TF: variants seen among roughly 807,000 people sequenced by gnomAD.
TF encodes transferrin.
In TF, 55 loss-of-function variants were observed where a neutral mutation model predicts 82.4. The observed-to-expected ratio is 0.67, with a 90% CI of 0.54 to 0.84. The LOEUF is 0.84. Ranked by LOEUF, TF falls within the 40% of genes least tolerant of loss-of-function variation. The probability of loss-of-function intolerance (pLI) is 0.00; values close to 1 mark genes in which losing one functional copy is unlikely to be tolerated. For synonymous variants in TF, 332 were observed against 332.6 expected, an observed-to-expected ratio of 1.00 and a Z score of 0.02; for missense variants, 737 against 868.4, an observed-to-expected ratio of 0.85 and a Z score of 1.90.
At chr3:133,726,623 A>C in the TF span, among the ~76,000 whole-genome samples, 20 of 150,726 alleles carry the variant, frequency 1.3e-4, no homozygotes, top group Non-Finnish European at 2.5e-4. Context: ...TGGATTCATT[A>C]ATTTTTTGAA....
chr3:133,740,326 C>T, the TF span, among the ~76,000 whole-genome samples: 1 of 151,982 alleles, frequency 6.6e-6, no homozygotes, highest in African/African-American at 2.4e-5. Flanking sequence ...CACACTGGGG[C>T]CTCTCAGGGG....
At chr3:133,678,850 T>TG in the TF span, among the ~76,000 whole-genome samples, 44 of 145,082 alleles carry the variant, frequency 3.0e-4, no homozygotes, top group South Asian at 6.2e-3. Flanking sequence ...GGCCCAGCTA[T>TG]TTTTTGTTTT....
rs1413405957 is a variant in TF at position 133,783,722 on chromosome 3, G to C, written c.*5102G>C. ...GAACAGAATTTGAGATGTGAGCGCG[G>C]ACAGCTCTGCTGGGCCCTCCAGGCC... is the stretch of plus-strand genomic sequence containing the variant. On this transcript the variant is annotated 3_prime_UTR_variant, in exon 17 of 17. Coordinates refer to ENST00000402696, the MANE Select transcript of TF (RefSeq NM_001063.4). 6.6e-6 allele frequency: 1 copy of C among 152,256 alleles called. No individual in the cohort carries two copies. The highest frequency in any genetic ancestry group is 1.5e-5 in the Non-Finnish European group (1 of 68,040). The allele number at this position is 152,256 out of a possible 1,614,324, so 9.4% of individuals were successfully genotyped here.
At chr3:133,676,006 G>A in the TF span, among the ~76,000 whole-genome samples, 1 of 152,142 alleles carries the variant, frequency 6.6e-6, no homozygotes, top group African/African-American at 2.4e-5. Flanking sequence ...TGGGGCTTAA[G>A]GGTTATTATT....
At chr3:133,714,230 G>A in the TF span, among the ~76,000 whole-genome samples, 5 of 152,194 alleles carry the variant, frequency 3.3e-5, no homozygotes, top group African/African-American at 9.6e-5. Context: ...TGGCTGTCTC[G>A]GAGCCCTGTT....
At chr3:133,707,010 C>T in the TF span, among the ~76,000 whole-genome samples, 489 of 152,298 alleles carry the variant, frequency 3.2e-3, 2 homozygotes, top group Admixed American at 7.2e-3. Context: ...CTATTCTGAT[C>T]ATTTATAGTC....
chr3:133,723,992 T>G, the TF span, among the ~76,000 whole-genome samples: 1 of 152,166 alleles, frequency 6.6e-6, no homozygotes, highest in Non-Finnish European at 1.5e-5. Flanking sequence ...AACTCATCAT[T>G]TTTTATGGCT....
At chr3:133,677,366 C>T in the TF span, among the ~76,000 whole-genome samples, 8 of 152,152 alleles carry the variant, frequency 5.3e-5, no homozygotes, top group Admixed American at 2.6e-4. Context: ...TGGCCGGGCA[C>T]GGTGGCTCAC....
At chr3:133,700,580 G>A in the TF span, among the ~76,000 whole-genome samples, 1 of 152,184 alleles carries the variant, frequency 6.6e-6, no homozygotes, top group South Asian at 2.1e-4. Flanking sequence ...GATGGCTTGA[G>A]GGTGAGGCAG....
At chr3:133,720,179 A>G in the TF span, among the ~76,000 whole-genome samples, 10 of 152,148 alleles carry the variant, frequency 6.6e-5, no homozygotes, top group Admixed American at 1.3e-4. Context: ...TCTCTTCCTG[A>G]TCTTAAAGGG....
chr3:133,694,132 T>C, the TF span: 3 of 152,682 alleles, frequency 2.0e-5, no homozygotes, highest in Non-Finnish European at 4.4e-5. Flanking sequence ...GGGCTCTCAG[T>C]GAGGGCCACT....
At position 133,795,553 on chromosome 3, in the gene TF, C is replaced by G. The variant is rs565394058; in HGVS notation, c.*16933C>G. On this transcript the variant is annotated 3_prime_UTR_variant, in exon 17 of 17. Transcript: ENST00000402696. ...GTCACACTCTCACTTAAGTGAGAAC[C>G]TGACCAAAAAAGTGGAATTTTTTTT... 2 of 150,936 alleles carry G rather than the reference C, an allele frequency of 1.3e-5. No homozygotes were observed. Among genetic ancestry groups the G allele is most frequent in the East Asian group, 1.9e-4 (1 of 5,138 alleles). 9.3% of individuals were successfully genotyped at this position (150,936 alleles called of 1,614,324 possible).
At chr3:133,760,248 C>T (rs999327705) in intron 9 of TF, 1 of 152,124 alleles carries the variant, frequency 6.6e-6, no homozygotes, top group Non-Finnish European at 1.5e-5. Flanking sequence ...TACTTCCTGC[C>T]ATTGTCAACA....
intron 9 of TF, chr3:133,760,848 G>A (rs1418859623): frequency 1.3e-5 from 2 of 153,598 alleles, no homozygotes; most frequent in African/African-American, 4.8e-5. Context: ...ATAACATTTA[G>A]TTCATAAAAT....
chr3:133,762,412 A>G (rs1475633488), intron 9 of TF: 1 of 152,512 alleles, frequency 6.6e-6, no homozygotes. Flanking sequence ...TTATACCTAC[A>G]GTCAACCGTG....
the TF span, among the ~76,000 whole-genome samples, chr3:133,715,184 A>T: frequency 1.3e-5 from 2 of 152,004 alleles, no homozygotes; most frequent in Non-Finnish European, 2.9e-5. Flanking sequence ...TAGTCCTCCC[A>T]CTACCCCATT....
At chr3:133,738,775 C>T in the TF span, among the ~76,000 whole-genome samples, 1 of 152,146 alleles carries the variant, frequency 6.6e-6, no homozygotes, top group African/African-American at 2.4e-5. Flanking sequence ...AGGACCTCTT[C>T]AAGGAGAACT....
the TF span, among the ~76,000 whole-genome samples, chr3:133,737,729 C>T: frequency 6.6e-6 from 1 of 152,166 alleles, no homozygotes; most frequent in Non-Finnish European, 1.5e-5. Context: ...TGGATAAATT[C>T]CTGGACACAT....
the TF span, among the ~76,000 whole-genome samples, chr3:133,681,591 C>T: frequency 6.6e-6 from 1 of 152,122 alleles, no homozygotes; most frequent in African/African-American, 2.4e-5. Context: ...ACCCATGGAG[C>T]CTCGCTCATT....
Sources: allele counts gnomAD v4.1 joint callset (sites outside exome capture counted in the v4.1 genomes callset), GRCh38; gene constraint gnomAD v4.1.1; transcripts MANE v1.5; gene names NCBI Gene and HGNC (gene_info 2026-07-23, HGNC 2026-07-21).